The following SEMA3C variants were observed in gnomAD, a reference collection of about 807,000 sequenced individuals.
The protein encoded by SEMA3C is semaphorin 3C.
A neutral mutation model predicts 89.4 loss-of-function variants in SEMA3C; 47 were observed. The observed-to-expected ratio is 0.53, with a 90% CI of 0.42 to 0.67. The LOEUF (loss-of-function observed/expected upper bound fraction) is 0.67. Among genes scored for constraint, SEMA3C ranks in the 30% least tolerant of loss-of-function variants. The pLI is 0.00. For synonymous variants in SEMA3C, 310 were observed against 320.2 expected (o/e 0.97, Z 0.34); for missense variants, 839 against 929.1 (o/e 0.90, Z 1.26).
At chr7:80,907,554 C>A (rs536304322) in intron 2 of SEMA3C, among the ~76,000 whole-genome samples, 4 of 152,018 alleles carry the variant, frequency 2.6e-5, no homozygotes, top group African/African-American at 9.6e-5. Flanking sequence ...GCTTTTGATG[C>A]CAGAAAGATT....
intron 4 of SEMA3C, among the ~76,000 whole-genome samples, chr7:80,826,517 C>G (rs891760394): frequency 7.9e-5 from 12 of 152,082 alleles, no homozygotes; most frequent in African/African-American, 2.9e-4. Context: ...GGAGTCAGAA[C>G]TGTTTCTGTC....
upstream of SEMA3C, chr7:80,922,331 A>AT: frequency 1.6e-6 from 2 of 1,271,612 alleles, no homozygotes; most frequent in Non-Finnish European, 2.1e-6. Context: ...CAACTTCCAT[A>AT]TGCCATCCTT....
chr7:80,888,020 C>T (rs899639322), intron 2 of SEMA3C, among the ~76,000 whole-genome samples: 1 of 152,094 alleles, frequency 6.6e-6, no homozygotes, highest in Non-Finnish European at 1.5e-5. Context: ...GTGATTTTTA[C>T]ATTAAAAAAT....
chr7:80,898,193 G>A (rs1046177662), intron 2 of SEMA3C, among the ~76,000 whole-genome samples: 13 of 151,668 alleles, frequency 8.6e-5, no homozygotes, highest in Admixed American at 5.9e-4. Context: ...GCTGAACCCC[G>A]CGTGCCGACG....
chr7:80,827,469 T>C lies in SEMA3C; in HGVS notation c.283A>G (p.Thr95Ala). The change falls in exon 4 of 18, where the codon ACA becomes GCA. Residue 95 changes from threonine to alanine, a missense_variant. Physicochemically the swap from Thr to Ala is moderately conservative, Grantham distance 58 (BLOSUM62 0). Transcript: ENST00000265361. The part of the protein sequence containing the change: ...EALSVFWPAS[T>A]IKVEECKMAG... Reference sequence around the variant, plus strand: ...ATTTTGCATTCTTCAACTTTGATTGTAGATGCTGGCCAGAAAACCTGCTCA... The same window carrying C: ...ATTTTGCATTCTTCAACTTTGATTGCAGATGCTGGCCAGAAAACCTGCTCA... 3.7e-6 allele frequency: 6 copies of C among 1,602,952 alleles called. No individual in the cohort carries two copies. The highest frequency in any genetic ancestry group is 1.7e-4 in the Middle Eastern group (1 of 5,998).
intron 12 of SEMA3C, among the ~76,000 whole-genome samples, chr7:80,772,552 C>T (rs1583863786): frequency 6.6e-6 from 1 of 152,240 alleles, no homozygotes; most frequent in East Asian, 1.9e-4. Context: ...TCATCGAGGG[C>T]ATCTCAAGTG....
chr7:80,842,714 G>A (rs1174926619), intron 2 of SEMA3C, among the ~76,000 whole-genome samples: 1 of 152,072 alleles, frequency 6.6e-6, no homozygotes, highest in Non-Finnish European at 1.5e-5. Context: ...ATGAGTTATA[G>A]ATAGCTGGGG....
chr7:80,801,034 G>A (rs1356196193), intron 9 of SEMA3C, among the ~76,000 whole-genome samples: 2 of 151,898 alleles, frequency 1.3e-5, no homozygotes, highest in Non-Finnish European at 2.9e-5. Context: ...TGAAAATTTT[G>A]TATCCTTGTG....
intron 2 of SEMA3C, among the ~76,000 whole-genome samples, chr7:80,885,144 T>C (rs1368196054): frequency 6.6e-6 from 1 of 152,210 alleles, no homozygotes; most frequent in East Asian, 1.9e-4. Context: ...TTTAATAGTT[T>C]TGCAACTCAG....
chr7:80,917,846 A>G (rs1792313798), intron 1 of SEMA3C, among the ~76,000 whole-genome samples: 1 of 152,364 alleles, frequency 6.6e-6, no homozygotes, highest in East Asian at 1.9e-4. Context: ...TTAAAATTTC[A>G]TAGTCAAAAT....
chr7:80,752,480 C>T (rs1368456672), intron 15 of SEMA3C, among the ~76,000 whole-genome samples: 1 of 151,734 alleles, frequency 6.6e-6, no homozygotes, highest in Non-Finnish European at 1.5e-5. Context: ...CATGGTGGTG[C>T]ATGGTAGCAT....
At chr7:80,895,734 C>T (rs1263270715) in intron 2 of SEMA3C, among the ~76,000 whole-genome samples, 1 of 151,948 alleles carries the variant, frequency 6.6e-6, no homozygotes, top group Non-Finnish European at 1.5e-5. Context: ...AGGAGAATGC[C>T]TTAAAAAATC....
rs147303387 is a variant in SEMA3C, at chr7:80,846,061, G to A, written c.104-17316C>T. Among the ~76,000 whole-genome samples the A allele has an allele frequency of 8.7e-3, 1,317 of 152,252 alleles. 13 individuals are homozygous for A. Among genetic ancestry groups the A allele is most frequent in the Non-Finnish European group, 0.013 (902 of 68,022 alleles). ...AAAATATTTCATGCAAATTCAGGGT[G>A]TCACTGATATTCTGAAATTCATTCA... is the stretch of plus-strand genomic sequence containing the variant. On this transcript the variant is annotated intron_variant, in intron 2 of 17. Coordinates refer to ENST00000265361, the MANE Select transcript of SEMA3C (RefSeq NM_006379.5).
chr7:80,782,800 C>T (rs185181198), intron 12 of SEMA3C, among the ~76,000 whole-genome samples: 1 of 152,216 alleles, frequency 6.6e-6, no homozygotes, highest in African/African-American at 2.4e-5. Flanking sequence ...CTCCATGGCA[C>T]CTACATTGTT....
chr7:80,867,717 CAT>C (rs1790961264), intron 2 of SEMA3C, among the ~76,000 whole-genome samples: 1 of 146,348 alleles, frequency 6.8e-6, no homozygotes, highest in African/African-American at 2.7e-5. Context: ...ATGTATAAAT[CAT>C]ACACACACAC....
chr7:80,844,918 T>C (rs1359629846), intron 2 of SEMA3C, among the ~76,000 whole-genome samples: 6 of 152,184 alleles, frequency 3.9e-5, no homozygotes, highest in East Asian at 1.9e-4. Flanking sequence ...ACCATGGAAG[T>C]GTCCTTCTAA....
Position 80,827,473 on chromosome 7 carries a change from T to C in SEMA3C, c.279A>G (p.Ala93=), listed in dbSNP as rs1789903545. 1 of 1,603,420 alleles carries C rather than the reference T, an allele frequency of 6.2e-7. No homozygotes were observed. Among genetic ancestry groups the C allele is most frequent in the South Asian group, 1.1e-5 (1 of 88,876 alleles). ...TGCATTCTTCAACTTTGATTGTAGATGCTGGCCAGAAAACCTGCTCAGAAA... is the reference window on the plus strand; with the variant it reads ...TGCATTCTTCAACTTTGATTGTAGACGCTGGCCAGAAAACCTGCTCAGAAA... The part of the protein sequence containing the change: ...SQEALSVFWP[A]STIKVEECKM... The change falls in exon 4 of 18, where the codon GCA becomes GCG. Residue 93 remains alanine (A), a synonymous_variant. Transcript: ENST00000265361.
chr7:80,776,591 AAATT>A (rs563909418), intron 12 of SEMA3C, among the ~76,000 whole-genome samples: 165 of 152,300 alleles, frequency 1.1e-3, no homozygotes, highest in African/African-American at 3.7e-3. Context: ...CCTGTTACAT[AAATT>A]ATTTATATAC....
intron 2 of SEMA3C, among the ~76,000 whole-genome samples, chr7:80,866,120 G>A (rs1341855393): frequency 1.3e-5 from 2 of 152,112 alleles, no homozygotes; most frequent in African/African-American, 4.8e-5. Flanking sequence ...ATCCAACAGT[G>A]TTTTCAGATA....
Sources: gnomAD v4.1 joint callset for allele counts (sites outside exome capture counted in the v4.1 genomes callset) on GRCh38, gnomAD v4.1.1 for gene constraint, MANE v1.5 for transcripts, NCBI Gene and HGNC (gene_info 2026-07-23, HGNC 2026-07-21) for gene names.